The following L2HGDH variants were observed in gnomAD, a reference collection of about 807,000 sequenced individuals.
The protein encoded by L2HGDH is L-2-hydroxyglutarate dehydrogenase.
L2HGDH carries 34 observed loss-of-function variants against 51.5 expected under a neutral mutation model. The ratio of observed to expected loss-of-function variants is 0.66; its 90% CI spans 0.50 to 0.88. The LOEUF is 0.88. L2HGDH is among the 40% of genes least tolerant of loss of function. The pLI is 0.00. For missense variants in L2HGDH, 558 were observed against 571.9 expected, an observed-to-expected ratio of 0.98 and a Z score of 0.25; for synonymous variants, 198 against 197.9, an observed-to-expected ratio of 1.00 and a Z score of -0.01.
At chr14:50,266,686 A>G (rs1889354184) in intron 8 of L2HGDH, among the ~76,000 whole-genome samples, 1 of 152,192 alleles carries the variant, frequency 6.6e-6, no homozygotes, top group Non-Finnish European at 1.5e-5. Context: ...AGATGCACAT[A>G]TGTATATATT....
At chr14:50,304,569 C>T (rs1445987051) in intron 1 of L2HGDH, among the ~76,000 whole-genome samples, 5 of 152,222 alleles carry the variant, frequency 3.3e-5, no homozygotes, top group Admixed American at 2.6e-4. Flanking sequence ...GGCGTGGTGG[C>T]TCACGCCTGT....
rs1014146268 is a variant in L2HGDH, at chr14:50,265,457, G to A, written c.1097C>T (p.Ser366Phe). 3.7e-6 allele frequency: 6 copies of A among 1,613,218 alleles called. No homozygotes were observed. The highest frequency in any genetic ancestry group is 5.1e-6 in the Non-Finnish European group (6 of 1,179,464). ...TTTATACATTTCAGTAACTCCATAG[G>A]AAAAATTCTGGGATGCCAGTTTAAT... ...GLIKLASQNF[S>F]YGVTEMYKAC... Residue 366 changes from serine (S) to phenylalanine (F), a missense_variant, in exon 9 of 10, where the codon TCC (serine) becomes TTC (phenylalanine). By Grantham distance (155) the Ser-to-Phe change is radical. Around this residue, in one of 3 missense-constraint regions of L2HGDH, gnomAD observed 321 missense variants for 311.8 expected, o/e 1.03. Coordinates refer to ENST00000267436, the MANE Select transcript of L2HGDH (RefSeq NM_024884.3).
intron 8 of L2HGDH, among the ~76,000 whole-genome samples, chr14:50,266,584 G>A (rs535094354): frequency 4.9e-4 from 75 of 152,350 alleles, no homozygotes; most frequent in African/African-American, 1.7e-3. Flanking sequence ...TGAGGCTGCA[G>A]TGAGGACAAA....
At chr14:50,260,710 C>CTAGTGGTTT (rs1446642236) in intron 9 of L2HGDH, among the ~76,000 whole-genome samples, 2 of 152,156 alleles carry the variant, frequency 1.3e-5, no homozygotes, top group Non-Finnish European at 2.9e-5. Context: ...ATTCTCTACA[C>CTAGTGGTTT]TAGTGGTTCT....
At chr14:50,308,826 T>C (rs1327056789) in intron 1 of L2HGDH, among the ~76,000 whole-genome samples, 1 of 152,248 alleles carries the variant, frequency 6.6e-6, no homozygotes, top group Non-Finnish European at 1.5e-5. Flanking sequence ...ATAGTAGCTT[T>C]ATTCGTAATA....
At chr14:50,265,297 C>A in intron 9 of L2HGDH, 61 bp downstream of exon 9, 1 of 1,460,870 alleles carries the variant, frequency 6.8e-7, no homozygotes. Context: ...CCAAGTCAGA[C>A]CCACCTCTCA....
intron 3 of L2HGDH, among the ~76,000 whole-genome samples, chr14:50,300,523 G>C (rs1432602185): frequency 6.6e-6 from 1 of 152,022 alleles, no homozygotes; most frequent in East Asian, 1.9e-4. Context: ...TCGAACTCCT[G>C]ACCTCAAGTG....
intron 4 of L2HGDH, among the ~76,000 whole-genome samples, chr14:50,284,878 T>A (rs1401878672): frequency 9.2e-5 from 14 of 152,230 alleles, no homozygotes; most frequent in Non-Finnish European, 7.3e-5. Context: ...GATATAATAC[T>A]ATTGTAAAGA....
intron 6 of L2HGDH, among the ~76,000 whole-genome samples, chr14:50,274,034 C>T (rs58096102): frequency 9.5e-4 from 144 of 152,048 alleles, no homozygotes; most frequent in African/African-American, 3.2e-3. Context: ...GCCGAGATCG[C>T]GCTATTGCAC....
rs1357308016 is a variant in L2HGDH at position 50,267,820 on chromosome 14, A to G, written c.997T>C (p.Phe333Leu). 3 of 1,613,868 alleles carry G rather than the reference A, an allele frequency of 1.9e-6. No homozygotes were observed. The highest frequency in any genetic ancestry group is 2.5e-6 in the Non-Finnish European group (3 of 1,179,710). Residue 333 changes from phenylalanine to leucine, a missense_variant, in exon 8 of 10, where the codon TTT becomes CTT. By Grantham distance (22) the Phe-to-Leu change is conservative (BLOSUM62 0). Transcript: ENST00000267436. ...IWLGPNAVLA[F>L]KREGYRPFDF... ...AAGGGTCTGTAACCCTCTCGTTTAA[A>G]GGCAAGAACTGCATTAGGCCCTAGC... is the stretch of plus-strand genomic sequence containing the variant.
chr14:50,288,494 G>C (rs1286390465), intron 4 of L2HGDH, among the ~76,000 whole-genome samples: 1 of 152,138 alleles, frequency 6.6e-6, no homozygotes, highest in Non-Finnish European at 1.5e-5. Flanking sequence ...CCAATGGCGC[G>C]ATCTCAGCTC....
chr14:50,287,979 T>C (rs1280412516), intron 4 of L2HGDH, among the ~76,000 whole-genome samples: 1 of 152,142 alleles, frequency 6.6e-6, no homozygotes, highest in Non-Finnish European at 1.5e-5. Context: ...ATTATAGGCA[T>C]GAGCCACCAT....
intron 9 of L2HGDH, among the ~76,000 whole-genome samples, chr14:50,257,787 T>A (rs896675188): frequency 2.6e-5 from 4 of 151,472 alleles, no homozygotes; most frequent in African/African-American, 9.7e-5. Context: ...TTTCATTACC[T>A]TGTTTTTGAT....
chr14:50,255,537 C>CAAAAAAA (rs371804551), intron 9 of L2HGDH, among the ~76,000 whole-genome samples: 2 of 114,756 alleles, frequency 1.7e-5, no homozygotes, highest in Non-Finnish European at 1.7e-5. Flanking sequence ...ACTCCATCTC[C>CAAAAAAA]AAAAAAAAAA....
intron 4 of L2HGDH, among the ~76,000 whole-genome samples, chr14:50,290,646 C>T (rs945120282): frequency 4.6e-5 from 7 of 152,026 alleles, no homozygotes; most frequent in Admixed American, 2.0e-4. Flanking sequence ...TAAAACTTTA[C>T]GGACACTGAA....
rs577794099 is a variant in L2HGDH at position 50,278,440 on chromosome 14, T to C, written c.738+80A>G. ...ACAAATGTCATTCAATAACTTAAAATACAGCCCTGTGGGTTAATTTAATTT... is the reference window on the plus strand; with the variant it reads ...ACAAATGTCATTCAATAACTTAAAACACAGCCCTGTGGGTTAATTTAATTT... On this transcript the variant is annotated intron_variant, in intron 6 of 9. Transcript: ENST00000267436. 14 of 878,636 alleles carry C rather than the reference T, an allele frequency of 1.6e-5. No homozygotes were observed. The South Asian group carries it at 2.0e-4, about 12-fold the overall frequency. The allele number at this position is 878,636 out of a possible 1,614,324, so 54.4% of individuals were successfully genotyped here.
intron 4 of L2HGDH, among the ~76,000 whole-genome samples, chr14:50,290,623 GGTT>G (rs1158983966): frequency 6.6e-6 from 1 of 152,040 alleles, no homozygotes; most frequent in African/African-American, 2.4e-5. Flanking sequence ...GAATATTTGC[GGTT>G]GTATTTCAAT....
At chr14:50,293,994 A>T in intron 4 of L2HGDH, 121 bp downstream of exon 4, 1 of 1,184,146 alleles carries the variant, frequency 8.4e-7, no homozygotes, top group Non-Finnish European at 1.2e-6. Context: ...TCACTTCACT[A>T]CTTCTGTGAC....
At chr14:50,293,420 C>G (rs1283051456) in intron 4 of L2HGDH, 3 of 471,336 alleles carry the variant, frequency 6.4e-6, no homozygotes, top group Admixed American at 7.5e-5. Context: ...CTTCTAGACC[C>G]TGGGCTAGGC....
Sources: allele counts gnomAD v4.1 joint callset (sites outside exome capture counted in the v4.1 genomes callset), GRCh38; gene constraint gnomAD v4.1.1; regional missense constraint gnomAD v4.1.1; transcripts MANE v1.5; gene names NCBI Gene and HGNC (gene_info 2026-07-23, HGNC 2026-07-21).